PCDHA2: variants seen among roughly 807,000 people sequenced by gnomAD.
The protein encoded by PCDHA2 is protocadherin alpha-2.
In PCDHA2, 58 loss-of-function variants were observed where a neutral mutation model predicts 66.0. That is an observed-to-expected ratio of 0.88 (90% CI 0.71 to 1.09). PCDHA2 has a LOEUF of 1.09. PCDHA2 is among the 50% of genes least tolerant of loss of function. The probability of loss-of-function intolerance (pLI) is 0.00; values close to 1 mark genes in which losing one functional copy is unlikely to be tolerated. For missense variants in PCDHA2, 1,267 were observed against 1,242.3 expected, an observed-to-expected ratio of 1.02 and a Z score of -0.30; for synonymous variants, 634 against 554.0, an observed-to-expected ratio of 1.14 and a Z score of -2.03.
chr5:140,942,497 G>A (rs189402882), intron 1 of PCDHA2, among the ~76,000 whole-genome samples: 1 of 152,040 alleles, frequency 6.6e-6, no homozygotes, highest in Admixed American at 6.6e-5. Context: ...TAAATACATG[G>A]TATCTAGGAA....
At chr5:140,851,067 G>T in intron 1 of PCDHA2, 7 of 1,367,668 alleles carry the variant, frequency 5.1e-6, no homozygotes, top group Non-Finnish European at 6.7e-6. Context: ...CTTCTAGTGA[G>T]AATTATAAAC....
intron 1 of PCDHA2, among the ~76,000 whole-genome samples, chr5:140,971,869 A>G (rs1277835883): frequency 1.3e-5 from 2 of 152,182 alleles, no homozygotes; most frequent in Non-Finnish European, 2.9e-5. Flanking sequence ...AACATCTAGC[A>G]TATGAGGAAA....
intron 1 of PCDHA2, chr5:140,831,134 T>C (rs1466835760): frequency 1.3e-5 from 2 of 152,216 alleles, no homozygotes; most frequent in Non-Finnish European, 2.9e-5. Context: ...TTATGGTTAT[T>C]GATTTATTTA....
chr5:140,819,776 A>G (rs1273499096), intron 1 of PCDHA2, among the ~76,000 whole-genome samples: 1 of 152,090 alleles, frequency 6.6e-6, no homozygotes, highest in Non-Finnish European at 1.5e-5. Context: ...AAATATCTAT[A>G]TAAGTACATG....
Position 140,796,057 on chromosome 5 carries a change from C to G in PCDHA2, c.1093C>G (p.Leu365Val). 2 of 1,614,220 alleles carry G rather than the reference C, an allele frequency of 1.2e-6. No homozygotes were observed. The highest frequency in any genetic ancestry group is 1.7e-6 in the Non-Finnish European group (2 of 1,180,052). The part of the protein sequence containing the change: ...LSLPISENAS[L>V]GTVIALITVS... ...ACTTCCCATCTCAGAGAACGCTTCC[C>G]TGGGCACTGTCATTGCTCTCATCAC... The change falls in exon 1 of 4, where the codon CTG becomes GTG. Residue 365 changes from leucine (L) to valine (V), a missense_variant. By Grantham distance (32) the Leu-to-Val change is conservative. Coordinates refer to ENST00000526136, the MANE Select transcript of PCDHA2 (RefSeq NM_018905.3).
intron 1 of PCDHA2, chr5:140,881,421 C>G: frequency 1.1e-6 from 1 of 907,614 alleles, no homozygotes; most frequent in South Asian, 5.1e-5. Context: ...GATATTAGTT[C>G]CAGGCATATT....
rs375332226 is a variant in PCDHA2 at position 141,003,567 on chromosome 5, ACTCCCAAAGTG to A, written c.2537-6057_2537-6047del. Among the ~76,000 whole-genome samples, 186 of 152,020 alleles carry A rather than the reference ACTCCCAAAGTG, an allele frequency of 1.2e-3. 1 individual carries two copies. Among genetic ancestry groups the A allele is most frequent in the African/African-American group, 4.1e-3 (172 of 41,464 alleles). On this transcript the variant is annotated intron_variant, in intron 3 of 3. Coordinates refer to ENST00000526136, the MANE Select transcript of PCDHA2 (RefSeq NM_018905.3). ...GCTTCAAGTGATCCACCTGCCTCAGACTCCCAAAGTGCTGGGATTTTAGATGTGAGCCACCA... is the reference window on the plus strand; with the variant it reads ...GCTTCAAGTGATCCACCTGCCTCAGACTGGGATTTTAGATGTGAGCCACCA...
At chr5:140,802,768 A>G in intron 1 of PCDHA2, 1 of 1,612,944 alleles carries the variant, frequency 6.2e-7, no homozygotes, top group East Asian at 2.2e-5. Flanking sequence ...CAGCCGCTGG[A>G]CCACGAGGAG....
At chr5:140,799,995 A>T (rs1272212542) in intron 1 of PCDHA2, among the ~76,000 whole-genome samples, 1 of 152,104 alleles carries the variant, frequency 6.6e-6, no homozygotes, top group Admixed American at 6.5e-5. Context: ...ATACTGGCTT[A>T]TGTTCCTAGG....
In PCDHA2 at chr5:140,844,977, T is replaced by C. The variant is rs1326529919; in HGVS notation, c.2388+47625T>C. On this transcript the variant is annotated intron_variant, in intron 1 of 3. Transcript: ENST00000526136. ...TTCTTACAGTTTGTTATTAGTATTGTTTTAAATCTTTTAATCACTTATGAA... is the reference window on the plus strand; with the variant it reads ...TTCTTACAGTTTGTTATTAGTATTGCTTTAAATCTTTTAATCACTTATGAA... 1.3e-5 allele frequency among the ~76,000 whole-genome samples: 2 copies of C among 149,260 alleles called. 1 individual carries two copies. Among genetic ancestry groups the C allele is most frequent in the Non-Finnish European group, 3.0e-5 (2 of 66,708 alleles).
chr5:140,877,089 C>T (rs782771217), intron 1 of PCDHA2: 4 of 1,613,082 alleles, frequency 2.5e-6, no homozygotes, highest in African/African-American at 1.3e-5. Flanking sequence ...GCGCGCGCGA[C>T]GCCGGCGTGC....
At chr5:140,805,006 C>A in intron 1 of PCDHA2, 1 of 1,539,008 alleles carries the variant, frequency 6.5e-7, no homozygotes, top group Non-Finnish European at 8.7e-7. Flanking sequence ...AAATTTAGTT[C>A]TGTTATCAGC....
At chr5:140,841,727 A>G (rs2150321736) in intron 1 of PCDHA2, 1 of 1,613,902 alleles carries the variant, frequency 6.2e-7, no homozygotes, top group Admixed American at 1.7e-5. Context: ...GTTCCGGGTA[A>G]AAGACCAAAA....
intron 1 of PCDHA2, among the ~76,000 whole-genome samples, chr5:140,964,512 T>C (rs2095837085): frequency 6.6e-6 from 1 of 152,128 alleles, no homozygotes; most frequent in African/African-American, 2.4e-5. Context: ...CAATACCCAG[T>C]GGCCAGGTCT....
At position 140,796,697 on chromosome 5, in the gene PCDHA2, G is replaced by A; in HGVS notation, c.1733G>A (p.Ser578Asn). 6.2e-7 allele frequency: 1 copy of A among 1,613,994 alleles called. No homozygotes were observed. Among genetic ancestry groups the A allele is most frequent in the Non-Finnish European group, 8.5e-7 (1 of 1,179,910 alleles). The change falls in exon 1 of 4, where the codon AGT (serine) becomes AAT (asparagine). Residue 578 changes from serine to asparagine, a missense_variant. By Grantham distance (46) the Ser-to-Asn change is conservative. Coordinates refer to ENST00000526136, the MANE Select transcript of PCDHA2 (RefSeq NM_018905.3). ...GCTGGCACCGCTGCTGGCGCAGTGA[G>A]TGAGCTGGTGCCGTGGTCGGTGGGT... ...PRAGTAAGAV[S>N]ELVPWSVGAG...
chr5:141,007,325 C>T (rs1303133451), intron 3 of PCDHA2, among the ~76,000 whole-genome samples: 1 of 145,322 alleles, frequency 6.9e-6, no homozygotes, highest in Non-Finnish European at 1.5e-5. Flanking sequence ...CTAAAGTGGA[C>T]AGATTGCCTG....
chr5:140,878,060 T>C (rs1251415258), intron 1 of PCDHA2: 2 of 426,090 alleles, frequency 4.7e-6, no homozygotes, highest in Non-Finnish European at 7.6e-6. Flanking sequence ...CCACACTTAA[T>C]ATTTTTCTTT....
chr5:141,006,351 A>G (rs537027677), intron 3 of PCDHA2, among the ~76,000 whole-genome samples: 1 of 151,966 alleles, frequency 6.6e-6, no homozygotes, highest in Non-Finnish European at 1.5e-5. Flanking sequence ...AGCTGGGACT[A>G]TAGGCGCCCA....
In PCDHA2 at chr5:140,857,452, G is replaced by T. The variant is rs782723934; in HGVS notation, c.2388+60100G>T. 4.4e-6 allele frequency: 7 copies of T among 1,598,562 alleles called. No individual in the cohort carries two copies. The East Asian group carries it at 6.7e-5, about 15-fold the overall frequency. ...CGGTGTTCGTGAAGGAGAACAACCC[G>T]CCAGGCTGCCACATCTTCACGGTGT... On this transcript the variant is annotated intron_variant, in intron 1 of 3. Transcript: ENST00000526136.
Sources: allele counts gnomAD v4.1 joint callset (sites outside exome capture counted in the v4.1 genomes callset), GRCh38; gene constraint gnomAD v4.1.1; transcripts MANE v1.5; gene names NCBI Gene and HGNC (gene_info 2026-07-23, HGNC 2026-07-21).